The following HSF1 variants were observed in gnomAD, a reference collection of about 807,000 sequenced individuals.
HSF1 encodes heat shock transcription factor 1.
HSF1 carries 32 observed loss-of-function variants against 51.7 expected under a neutral mutation model. The observed-to-expected ratio is 0.62, with a 90% confidence interval of 0.47 to 0.83. The LOEUF (loss-of-function observed/expected upper bound fraction) is 0.83. Among genes scored for constraint, HSF1 ranks in the 40% least tolerant of loss-of-function variants. The pLI, the probability that HSF1 is intolerant of heterozygous loss-of-function variation, is 0.00. For missense variants in HSF1, 727 were observed against 717.0 expected, an observed-to-expected ratio of 1.01 and a Z score of -0.16; for synonymous variants, 396 against 309.7, an observed-to-expected ratio of 1.28 and a Z score of -2.92.
intron 5 of HSF1, 36 bp downstream of exon 5, chr8:144,311,285 C>A: frequency 6.2e-7 from 1 of 1,612,582 alleles, no homozygotes; most frequent in African/African-American, 1.3e-5. Flanking sequence ...GGGGGCCCCA[C>A]AAGGGCCGGG....
In HSF1 at chr8:144,314,419, C is replaced by A; in HGVS notation, c.*89C>A. The A allele has an allele frequency of 1.7e-6, 2 of 1,200,256 alleles. No individual in the cohort carries two copies. The highest frequency in any genetic ancestry group is 1.2e-6 in the Non-Finnish European group (1 of 849,152). The allele number at this position is 1,200,256 out of a possible 1,614,324, so 74.4% of individuals were successfully genotyped here. A position where few individuals can be genotyped will look rare whatever the true frequency, so the allele number is the denominator to read the frequency against. ...GGCAGGGCAGCCTCGCGGTCTTGGGCACTGGTGGGTCGGCCGCCATAGCCC... is the reference window on the plus strand; with the variant it reads ...GGCAGGGCAGCCTCGCGGTCTTGGGAACTGGTGGGTCGGCCGCCATAGCCC... On this transcript the variant is annotated 3_prime_UTR_variant, in exon 13 of 13. Coordinates refer to ENST00000528838, the MANE Select transcript of HSF1 (RefSeq NM_005526.4).
At position 144,314,050 on chromosome 8, in the gene HSF1, T is replaced by C. The variant is rs782349533; in HGVS notation, c.1380T>C (p.Asp460=). The C allele has an allele frequency of 1.2e-5, 20 of 1,603,972 alleles. No individual in the cohort carries two copies. The highest frequency in any genetic ancestry group is 1.0e-4 in the Admixed American group (6 of 59,154). ...RPPEAENSSP[D]SGKQLVHYTA... ...CCGAGGCAGAGAACAGCAGCCCGGA[T>C]TCAGGTGAGCCAAGTCCCACCGGCC... Residue 460 remains aspartate (D), a synonymous_variant, in exon 12 of 13, where the codon GAT becomes GAC. Transcript: ENST00000528838.
intron 5 of HSF1, 21 bp downstream of exon 5, chr8:144,311,270 C>T (rs1554844298): frequency 1.2e-6 from 2 of 1,609,522 alleles, no homozygotes; most frequent in South Asian, 1.1e-5. Flanking sequence ...GGCCAGAGGG[C>T]CGGCGGGGGC....
chr8:144,300,998 G>A (rs1315690539), intron 1 of HSF1, among the ~76,000 whole-genome samples: 1 of 152,200 alleles, frequency 6.6e-6, no homozygotes, highest in South Asian at 2.1e-4. Flanking sequence ...AAAAGCAATG[G>A]AAACTGTCCA....
chr8:144,302,089 C>T (rs1815927612), intron 1 of HSF1, among the ~76,000 whole-genome samples: 1 of 150,036 alleles, frequency 6.7e-6, no homozygotes, highest in Non-Finnish European at 1.5e-5. Flanking sequence ...TCTCTGGAAC[C>T]CAGGAGGCAG....
At chr8:144,296,660 A>T (rs1554841345) in intron 1 of HSF1, among the ~76,000 whole-genome samples, 1 of 152,062 alleles carries the variant, frequency 6.6e-6, no homozygotes, top group African/African-American at 2.4e-5. Context: ...ACAAAAAACT[A>T]GCTGGACGTG....
intron 1 of HSF1, among the ~76,000 whole-genome samples, chr8:144,296,249 G>A (rs1028238578): frequency 2.6e-5 from 4 of 152,168 alleles, no homozygotes; most frequent in African/African-American, 4.8e-5. Context: ...AAGCAGAGCC[G>A]ACCTGGCCAC....
chr8:144,312,498 C>T, intron 9 of HSF1: 1 of 861,270 alleles, frequency 1.2e-6, no homozygotes, highest in South Asian at 1.5e-5. Flanking sequence ...GCTGCCGCCA[C>T]CCTCGCCACA....
In HSF1 at chr8:144,312,196, C is replaced by T. The variant is rs782124120; in HGVS notation, c.1094C>T (p.Pro365Leu). ...TDTEGRPPSPPPTSTPEKCLS... is the reference protein window; with the variant it reads ...TDTEGRPPSPLPTSTPEKCLS... The stretch of plus-strand genomic sequence containing the variant: ...ACCGAGGGCCGGCCTCCCTCCCCCC[C>T]GCCCACCTCCACCCCTGAAAAGTGC... Residue 365 changes from proline (P) to leucine (L), a missense_variant, in exon 9 of 13, where the codon CCG becomes CTG. Physicochemically the swap from Pro to Leu is moderately conservative, Grantham distance 98 (BLOSUM62 -3). This residue lies in a region of HSF1 where 470 missense variants were observed against 398.8 expected (regional missense o/e 1.18). Coordinates refer to ENST00000528838, the MANE Select transcript of HSF1 (RefSeq NM_005526.4). The T allele has an allele frequency of 1.5e-5, 24 of 1,591,068 alleles. No individual in the cohort carries two copies. The highest frequency in any genetic ancestry group is 6.7e-5 in the South Asian group (6 of 90,150).
chr8:144,294,484 A>G (rs974921330), intron 1 of HSF1, among the ~76,000 whole-genome samples: 2 of 152,168 alleles, frequency 1.3e-5, no homozygotes, highest in Non-Finnish European at 2.9e-5. Context: ...AACCCTCCCT[A>G]TTTGACACAA....
intron 9 of HSF1, chr8:144,313,134 G>A (rs1343281061): frequency 5.2e-6 from 2 of 387,854 alleles, no homozygotes; most frequent in Non-Finnish European, 9.6e-6. Flanking sequence ...GGCAGGGACT[G>A]AGCCACCCAC....
At chr8:144,292,237 C>T (rs1449136964) in intron 1 of HSF1, among the ~76,000 whole-genome samples, 3 of 152,254 alleles carry the variant, frequency 2.0e-5, no homozygotes, top group Non-Finnish European at 2.9e-5. Flanking sequence ...CCCCAGAGGA[C>T]ATCGGCGTCC....
intron 1 of HSF1, among the ~76,000 whole-genome samples, chr8:144,303,863 G>A (rs1191448809): frequency 1.3e-5 from 2 of 152,106 alleles, no homozygotes; most frequent in African/African-American, 4.8e-5. Flanking sequence ...GGGCGACAGC[G>A]AGACTCCATA....
intron 1 of HSF1, among the ~76,000 whole-genome samples, chr8:144,296,232 G>A (rs1815444371): frequency 6.6e-6 from 1 of 152,200 alleles, no homozygotes; most frequent in African/African-American, 2.4e-5. Context: ...CACACGAGGA[G>A]TTGCAGAAGC....
chr8:144,311,170 G>A lies in HSF1; in HGVS notation c.489-4G>A. Reference sequence around the variant, plus strand: ...CCCCACTGACCCAGCCTGGTCTGTTGCAGTGAGAATGAGGCTCTGTGGCGG... The same window carrying A: ...CCCCACTGACCCAGCCTGGTCTGTTACAGTGAGAATGAGGCTCTGTGGCGG... On this transcript the variant is annotated splice_region_variant and splice_polypyrimidine_tract_variant and intron_variant, in intron 4 of 12. Transcript: ENST00000528838. 6.3e-7 allele frequency: 1 copy of A among 1,597,726 alleles called. No homozygotes were observed. Among genetic ancestry groups the A allele is most frequent in the Non-Finnish European group, 8.5e-7 (1 of 1,172,640 alleles).
chr8:144,313,111 A>G (rs1224593399), intron 9 of HSF1: 1 of 387,992 alleles, frequency 2.6e-6, no homozygotes, highest in African/African-American at 2.0e-5. Context: ...TCTCATCCCC[A>G]CAGCAGCACC....
chr8:144,296,828 A>G lies in HSF1; in HGVS notation c.117+4954A>G, dbSNP rs1357133103. Among the ~76,000 whole-genome samples the G allele has an allele frequency of 2.2e-4, 33 of 149,632 alleles. 1 individual carries two copies. Among genetic ancestry groups the G allele is most frequent in the Admixed American group, 6.0e-4 (9 of 15,042 alleles). Reference sequence around the variant, plus strand: ...TCTCAAAAAAAAAAAAAAAGAAGGCACACATCTGTCCTCATACAGCTTCTG... The same window carrying G: ...TCTCAAAAAAAAAAAAAAAGAAGGCGCACATCTGTCCTCATACAGCTTCTG... On this transcript the variant is annotated intron_variant, in intron 1 of 12. Transcript: ENST00000528838.
intron 1 of HSF1, among the ~76,000 whole-genome samples, chr8:144,294,793 G>A (rs2130312471): frequency 6.7e-6 from 1 of 150,206 alleles, no homozygotes; most frequent in East Asian, 2.0e-4. Context: ...ATTCCCATGA[G>A]CACCCCACCC....
rs572582438 is a variant in HSF1, at chr8:144,303,439, C to T, written c.118-5467C>T. Among the ~76,000 whole-genome samples, 10 of 152,116 alleles carry T rather than the reference C, an allele frequency of 6.6e-5. 1 individual carries two copies. In the South Asian group the frequency reaches 2.1e-3, roughly 32 times the overall value. The stretch of plus-strand genomic sequence containing the variant: ...TTCAGAGCTCTTTCCTTATGGACGG[C>T]CTCTCTCCCCAGGCTGATTTCTCTG... On this transcript the variant is annotated intron_variant, in intron 1 of 12. Transcript: ENST00000528838.
Sources: gnomAD v4.1 joint callset for allele counts (sites outside exome capture counted in the v4.1 genomes callset) on GRCh38, gnomAD v4.1.1 for gene constraint, gnomAD v4.1.1 regional missense constraint, MANE v1.5 for transcripts, NCBI Gene and HGNC (gene_info 2026-07-23, HGNC 2026-07-21) for gene names.